Variants in TSPAN32 observed in about 807,000 individuals in gnomAD.
The protein encoded by TSPAN32 is tetraspanin-32.
A neutral mutation model predicts 42.7 loss-of-function variants in TSPAN32; 47 were observed. The observed-to-expected ratio is 1.10, with a 90% CI of 0.87 to 1.40. The LOEUF (loss-of-function observed/expected upper bound fraction) is 1.40, where lower values mean the gene tolerates loss of function less well. Ranked by LOEUF, TSPAN32 falls within the 40% of genes most tolerant of loss-of-function variation. TSPAN32 has a pLI of 0.00. For missense variants in TSPAN32, 469 were observed against 424.1 expected, an observed-to-expected ratio of 1.11 and a Z score of -0.93; for synonymous variants, 175 against 175.9, an observed-to-expected ratio of 0.99 and a Z score of 0.04.
rs539336250 is a variant in TSPAN32, at chr11:2,313,975, G to A, written c.456+220G>A. ...AGATTCTCGAGGCCCAGTGCAAAAC[G>A]AGAGGGCAGGGCCCTGTATTCAGAA... On this transcript the variant is annotated intron_variant, in intron 5 of 9. Coordinates refer to ENST00000182290, the MANE Select transcript of TSPAN32 (RefSeq NM_139022.3). This position sits in a 1 kb window ranked among gnomAD's most constrained non-coding sequence, Gnocchi z 9.1. Among the ~76,000 whole-genome samples, 72 of 152,126 alleles carry A rather than the reference G, an allele frequency of 4.7e-4. No homozygotes were observed. Among genetic ancestry groups the A allele is most frequent in the African/African-American group, 1.7e-3 (70 of 41,496 alleles).
chr11:2,307,798 G>C (rs1475893412), intron 3 of TSPAN32, among the ~76,000 whole-genome samples: 1 of 152,170 alleles, frequency 6.6e-6, no homozygotes, highest in African/African-American at 2.4e-5. Flanking sequence ...AGAGAGAGGG[G>C]ACAGTGGTTG....
intron 4 of TSPAN32, chr11:2,309,501 G>T: frequency 2.5e-6 from 1 of 392,664 alleles, no homozygotes; most frequent in Non-Finnish European, 5.3e-6. Flanking sequence ...CCCCTTGAGA[G>T]CCAGACCTGG....
Position 2,314,113 on chromosome 11 carries a change from A to G in TSPAN32, c.456+358A>G, listed in dbSNP as rs184774144. ...TGAGGCAGGTGAATTGCTTGAGCCC[A>G]GGAGTTCGAGACCAGCCTGAGCAAC... On this transcript the variant is annotated intron_variant, in intron 5 of 9. Transcript: ENST00000182290. Among the ~76,000 whole-genome samples, 712 of 151,224 alleles carry G rather than the reference A, an allele frequency of 4.7e-3. 4 individuals are homozygous for G. Among genetic ancestry groups the G allele is most frequent in the African/African-American group, 0.016 (672 of 41,204 alleles).
At chr11:2,303,534 G>T in intron 2 of TSPAN32, 1 of 167,924 alleles carries the variant, frequency 6.0e-6, no homozygotes, top group Non-Finnish European at 1.3e-5. Context: ...CAGATCTGCA[G>T]GGGACTCTCA....
chr11:2,315,205 C>A, intron 6 of TSPAN32: 1 of 1,159,014 alleles, frequency 8.6e-7, no homozygotes, highest in Non-Finnish European at 1.1e-6. Context: ...CCCCGCTCCC[C>A]TCCCCTACTG....
chr11:2,317,964 CG>C lies in TSPAN32; in HGVS notation c.*44del. On this transcript the variant is annotated 3_prime_UTR_variant, in exon 10 of 10. Transcript: ENST00000182290. The surrounding 1 kb of genome is among the most constrained non-coding windows in gnomAD (Gnocchi z 6.2). ...GGGCTGCACTCTCACCTGGAGGCTC[CG>C]GGGAAGCATCTGCCTCCAGGACCAT... 3 of 811,746 alleles carry C rather than the reference CG, an allele frequency of 3.7e-6. No homozygotes were observed. The highest frequency in any genetic ancestry group is 2.2e-6 in the Non-Finnish European group (1 of 455,198). The allele number at this position is 811,746 out of a possible 1,614,324, so 50.3% of individuals were successfully genotyped here. A position where few individuals can be genotyped will look rare whatever the true frequency, so the allele number is the denominator to read the frequency against.
In TSPAN32 at chr11:2,304,076, C is replaced by A. The variant is rs979033838; in HGVS notation, c.182-31C>A. On this transcript the variant is annotated intron_variant, in intron 2 of 9. Transcript: ENST00000182290. The surrounding 1 kb of genome is among the most constrained non-coding windows in gnomAD (Gnocchi z 4.8). ...GCACTCAGGACCTGTCCTGGGCACC[C>A]CTAACCCTCCTCCTCTCTCCTCCCA... The A allele has an allele frequency of 3.9e-6, 6 of 1,540,054 alleles. No homozygotes were observed. The African/African-American group carries it at 8.2e-5, about 21-fold the overall frequency.
chr11:2,316,241 G>A lies in TSPAN32; in HGVS notation c.556G>A (p.Gly186Ser), dbSNP rs760046572. ...EEAAREDCLQ[G>S]IRSFLRTHQQ... is the part of the protein sequence containing the mutation. ...TGCCCTCTCACAGGACTGCCTTCAG[G>A]GCATCCGGAGCTTCCTGAGGACACA... Residue 186 changes from glycine to serine, a missense_variant, in exon 7 of 10, where the codon GGC becomes AGC. Coordinates refer to ENST00000182290, the MANE Select transcript of TSPAN32 (RefSeq NM_139022.3). 1 of 1,591,402 alleles carries A rather than the reference G, an allele frequency of 6.3e-7. No individual in the cohort carries two copies. The highest frequency in any genetic ancestry group is 8.5e-7 in the Non-Finnish European group (1 of 1,170,584).
chr11:2,315,510 C>A, intron 6 of TSPAN32: 1 of 1,157,958 alleles, frequency 8.6e-7, no homozygotes, highest in South Asian at 1.8e-5. Flanking sequence ...GGCCATGGGC[C>A]CGACTGCAAA....
rs768282879 is a variant in TSPAN32, at chr11:2,317,568, G to C, written c.901+43G>C. 9 of 1,539,842 alleles carry C rather than the reference G, an allele frequency of 5.8e-6. No homozygotes were observed. The Admixed American group carries it at 1.6e-4, about 27-fold the overall frequency. ...GTCAGCCCTCATGGGATCCCTGAGG[G>C]GAGGGTCCGAGCTGTGAGGAGGGAA... is the stretch of plus-strand genomic sequence containing the variant. On this transcript the variant is annotated intron_variant, in intron 9 of 9. Transcript: ENST00000182290. The surrounding 1 kb of genome is among the most constrained non-coding windows in gnomAD (Gnocchi z 6.2).
intron 4 of TSPAN32, chr11:2,310,024 A>C (rs1848373656): frequency 1.3e-5 from 2 of 152,596 alleles, no homozygotes; most frequent in African/African-American, 4.8e-5. Flanking sequence ...AGCCCCCAGA[A>C]GAGGGCTGTG....
Position 2,317,547 on chromosome 11 carries a change from G to A in TSPAN32, c.901+22G>A. On this transcript the variant is annotated intron_variant, in intron 9 of 9. Transcript: ENST00000182290. This position sits in a 1 kb window ranked among gnomAD's most constrained non-coding sequence, Gnocchi z 6.2. ...AGAGGTGAAGACGCCCCTGCTGTCAGCCCTCATGGGATCCCTGAGGGGAGG... is the reference window on the plus strand; with the variant it reads ...AGAGGTGAAGACGCCCCTGCTGTCAACCCTCATGGGATCCCTGAGGGGAGG... 6.4e-7 allele frequency: 1 copy of A among 1,555,416 alleles called. No individual in the cohort carries two copies. The highest frequency in any genetic ancestry group is 8.7e-7 in the Non-Finnish European group (1 of 1,154,450).
intron 4 of TSPAN32, chr11:2,310,106 T>G (rs980167969): frequency 6.6e-6 from 1 of 152,342 alleles, no homozygotes; most frequent in African/African-American, 2.4e-5. Flanking sequence ...GCCTCACGTT[T>G]CCTGTCCACT....
intron 4 of TSPAN32, among the ~76,000 whole-genome samples, chr11:2,310,983 C>G (rs893156906): frequency 5.9e-5 from 9 of 152,196 alleles, no homozygotes; most frequent in Non-Finnish European, 1.2e-4. Context: ...CTGCTGGCAG[C>G]CTAGACAGTG....
At position 2,304,115 on chromosome 11, in the gene TSPAN32, G is replaced by A. The variant is rs761371873; in HGVS notation, c.190G>A (p.Ala64Thr). 2.5e-6 allele frequency: 4 copies of A among 1,581,618 alleles called. No individual in the cohort carries two copies. The highest frequency in any genetic ancestry group is 1.8e-5 in the Admixed American group (1 of 54,882). Reference sequence around the variant, plus strand: ...TCTCTCCTCCCAACCAGCCTTCTCTGCGGGGTTGAGCCTGGTGGGCCTCCT... The same window carrying A: ...TCTCTCCTCCCAACCAGCCTTCTCTACGGGGTTGAGCCTGGTGGGCCTCCT... ...YQAVHQWAFSAGLSLVGLLTL... is the reference protein window; with the variant it reads ...YQAVHQWAFSTGLSLVGLLTL... The change falls in exon 3 of 10, where the codon GCG becomes ACG. Residue 64 changes from alanine to threonine, a missense_variant. Coordinates refer to ENST00000182290, the MANE Select transcript of TSPAN32 (RefSeq NM_139022.3). The surrounding 1 kb of genome is among the most constrained non-coding windows in gnomAD (Gnocchi z 4.8).
rs557202628 is a variant in TSPAN32 at position 2,314,174 on chromosome 11, A to AG, written c.457-311_457-310insG. ...CTTGTCTCTACTTTAAAAAAAAAAA[A>AG]AAAAGAAAAGAAAAAATAAAAGCAC... On this transcript the variant is annotated intron_variant, in intron 5 of 9. Transcript: ENST00000182290. Among the ~76,000 whole-genome samples, 492 of 151,374 alleles carry AG rather than the reference A, an allele frequency of 3.3e-3. 2 individuals carry two copies. The highest frequency in any genetic ancestry group is 4.6e-3 in the Non-Finnish European group (311 of 67,802).
In TSPAN32 at chr11:2,304,384, C is replaced by G. The variant is rs944661141; in HGVS notation, c.279+180C>G. 6.6e-6 allele frequency among the ~76,000 whole-genome samples: 1 copy of G among 151,950 alleles called. No individual in the cohort carries two copies. The highest frequency in any genetic ancestry group is 2.1e-4 in the South Asian group (1 of 4,818). ...CCACACCTGAGTATCTAGGCAGAAACAGAGGCCCCAGGGATGCTAGCCAGC... is the reference window on the plus strand; with the variant it reads ...CCACACCTGAGTATCTAGGCAGAAAGAGAGGCCCCAGGGATGCTAGCCAGC... On this transcript the variant is annotated intron_variant, in intron 3 of 9. Coordinates refer to ENST00000182290, the MANE Select transcript of TSPAN32 (RefSeq NM_139022.3). This position sits in a 1 kb window ranked among gnomAD's most constrained non-coding sequence, Gnocchi z 4.8.
Position 2,316,825 on chromosome 11 carries a change from G to C in TSPAN32, c.719+158G>C, listed in dbSNP as rs2234312. ...TGGGGGTGGCTGAGCACCAGGGTGG[G>C]GTGGGAGACCTGGAGAGTTTCCAGA... On this transcript the variant is annotated intron_variant, in intron 8 of 9. Transcript: ENST00000182290. Among the ~76,000 whole-genome samples the C allele has an allele frequency of 1.3e-5, 2 of 152,050 alleles. 1 individual carries two copies. Among genetic ancestry groups the C allele is most frequent in the East Asian group, 3.9e-4 (2 of 5,186 alleles).
chr11:2,305,382 A>C (rs5789250), intron 3 of TSPAN32, among the ~76,000 whole-genome samples: 21,665 of 107,708 alleles, frequency 0.2, 1,992 homozygotes, highest in African/African-American at 0.31. Flanking sequence ...CCCCCCCCCC[A>C]GAGGGTGTGT....
Sources: allele counts gnomAD v4.1 joint callset (sites outside exome capture counted in the v4.1 genomes callset), GRCh38; gene constraint gnomAD v4.1.1; non-coding constraint Gnocchi (gnomAD v3.1); transcripts MANE v1.5; gene names NCBI Gene and HGNC (gene_info 2026-07-23, HGNC 2026-07-21).